Variants in RAB43 observed in about 807,000 individuals in gnomAD.
RAB43 encodes the protein ras-related protein Rab-43.
RAB43 carries 6 observed loss-of-function variants against 18.8 expected under a neutral mutation model. The ratio of observed to expected loss-of-function variants is 0.32; its 90% CI spans 0.17 to 0.63. RAB43 has a LOEUF of 0.63. Among genes scored for constraint, RAB43 ranks in the 30% least tolerant of loss-of-function variants. The pLI is 0.79. For synonymous variants in RAB43, 103 were observed against 124.1 expected, an observed-to-expected ratio of 0.83 and a Z score of 1.13; for missense variants, 195 against 289.1, an observed-to-expected ratio of 0.67 and a Z score of 2.36.
Position 129,121,663 on chromosome 3 carries a change from C to A in RAB43, c.-174G>T. 1 of 450,590 alleles carries A rather than the reference C, an allele frequency of 2.2e-6. No individual in the cohort carries two copies. Among genetic ancestry groups the A allele is most frequent in the South Asian group, 5.7e-5 (1 of 17,490 alleles). The allele number at this position is 450,590 out of a possible 1,614,324, so 27.9% of individuals were successfully genotyped here. ...CCGCCTGCCTCGGCCTCGGCCCCGCCCCACCCCGGCTGGCTCCCGCCCCGG... is the reference window on the plus strand; with the variant it reads ...CCGCCTGCCTCGGCCTCGGCCCCGCACCACCCCGGCTGGCTCCCGCCCCGG... On this transcript the variant is annotated 5_prime_UTR_variant, in exon 1 of 3. Coordinates refer to ENST00000315150, the MANE Select transcript of RAB43 (RefSeq NM_198490.3).
chr3:129,120,466 G>A (rs1935832215), intron 1 of RAB43, among the ~76,000 whole-genome samples: 1 of 152,202 alleles, frequency 6.6e-6, no homozygotes, highest in Non-Finnish European at 1.5e-5. Context: ...AAGTTACTGA[G>A]TGCCTTCAGC....
In RAB43 at chr3:129,092,558, C is replaced by G. The variant is rs1047407986; in HGVS notation, c.389-1212G>C. ...GGAGGATTGCTTGAGGCCAGGAGTT[C>G]AAGATCAGCCTGGGCAACATAGCAG... On this transcript the variant is annotated intron_variant, in intron 2 of 2. Transcript: ENST00000315150. 5 of 691,418 alleles carry G rather than the reference C, an allele frequency of 7.2e-6. No individual in the cohort carries two copies. The African/African-American group carries it at 8.8e-5, about 12-fold the overall frequency. The allele number at this position is 691,418 out of a possible 1,614,324, so 42.8% of individuals were successfully genotyped here.
chr3:129,101,610 C>A (rs1223581774), intron 1 of RAB43, among the ~76,000 whole-genome samples: 1 of 152,192 alleles, frequency 6.6e-6, no homozygotes, highest in Non-Finnish European at 1.5e-5. Flanking sequence ...GGACGGTGTT[C>A]AGGCAGGGGA....
intron 1 of RAB43, among the ~76,000 whole-genome samples, chr3:129,114,370 A>G (rs1338235899): frequency 1.3e-5 from 2 of 152,126 alleles, no homozygotes; most frequent in African/African-American, 4.8e-5. Flanking sequence ...CAATGAGGAG[A>G]AAAGTACCAG....
chr3:129,100,265 A>G (rs1396989474), intron 1 of RAB43, among the ~76,000 whole-genome samples: 1 of 152,258 alleles, frequency 6.6e-6, no homozygotes, highest in Non-Finnish European at 1.5e-5. Flanking sequence ...ATGCTGAAGT[A>G]CTTGTCAAAC....
intron 1 of RAB43, among the ~76,000 whole-genome samples, chr3:129,111,194 TCTTCTAGTAGAG>T (rs1457347879): frequency 5.3e-5 from 8 of 152,062 alleles, no homozygotes; most frequent in Middle Eastern, 3.4e-3. Context: ...TTTCCTGAAC[TCTTCTAGTAGAG>T]CTTCTAGTAG....
intron 1 of RAB43, among the ~76,000 whole-genome samples, chr3:129,113,529 T>C (rs556292190): frequency 6.6e-6 from 1 of 152,228 alleles, no homozygotes; most frequent in African/African-American, 2.4e-5. Flanking sequence ...GATTTCAGAG[T>C]GGTCATTCAC....
At chr3:129,108,599 A>T (rs1934940490) in intron 1 of RAB43, among the ~76,000 whole-genome samples, 1 of 152,198 alleles carries the variant, frequency 6.6e-6, no homozygotes, top group Non-Finnish European at 1.5e-5. Flanking sequence ...CATGCTATGT[A>T]ATTTACATAC....
intron 1 of RAB43, among the ~76,000 whole-genome samples, chr3:129,111,711 A>G (rs1359440292): frequency 6.6e-6 from 1 of 152,132 alleles, no homozygotes; most frequent in Non-Finnish European, 1.5e-5. Flanking sequence ...TTTCAATAAT[A>G]AAACTGATTT....
intron 1 of RAB43, among the ~76,000 whole-genome samples, chr3:129,099,558 G>T (rs1008693822): frequency 1.3e-5 from 2 of 151,782 alleles, no homozygotes; most frequent in African/African-American, 4.8e-5. Context: ...GGCTAATTTT[G>T]TATTTTTGGT....
At chr3:129,100,762 C>G (rs1279173148) in intron 1 of RAB43, among the ~76,000 whole-genome samples, 2 of 152,164 alleles carry the variant, frequency 1.3e-5, no homozygotes, top group African/African-American at 4.8e-5. Context: ...AGCTCATGAC[C>G]TGATGCTCTG....
At chr3:129,115,930 A>G (rs1364344743) in intron 1 of RAB43, among the ~76,000 whole-genome samples, 1 of 152,222 alleles carries the variant, frequency 6.6e-6, no homozygotes, top group Non-Finnish European at 1.5e-5. Context: ...GCTCCGTCCC[A>G]CCTGGGATGT....
intron 2 of RAB43, chr3:129,092,405 A>G: frequency 1.6e-6 from 1 of 620,792 alleles, no homozygotes. Flanking sequence ...TACAGATGAG[A>G]GGAGGTTGGA....
intron 1 of RAB43, among the ~76,000 whole-genome samples, chr3:129,112,218 G>T (rs1935218143): frequency 6.6e-6 from 1 of 150,996 alleles, no homozygotes; most frequent in Non-Finnish European, 1.5e-5. Flanking sequence ...TCATGCCACT[G>T]CACTCCATTC....
chr3:129,100,027 A>C (rs944520048), intron 1 of RAB43, among the ~76,000 whole-genome samples: 1 of 152,194 alleles, frequency 6.6e-6, no homozygotes, highest in African/African-American at 2.4e-5. Context: ...CAAGAAGCTC[A>C]GCAAACCCCA....
At position 129,095,108 on chromosome 3, in the gene RAB43, C is replaced by T. The variant is rs760631241; in HGVS notation, c.266G>A (p.Arg89His). 18 of 1,613,774 alleles carry T rather than the reference C, an allele frequency of 1.1e-5. No individual in the cohort carries two copies. Among genetic ancestry groups the T allele is most frequent in the Non-Finnish European group, 1.4e-5 (16 of 1,179,908 alleles). ...GGCAAGGATGGCCCCATTGGCACTG[C>T]GGTAGTAGCTCTGGGTGATGGTGCG... The part of the protein sequence containing the change: ...RFRTITQSYY[R>H]SANGAILAYD... Residue 89 changes from arginine (R) to histidine (H), a missense_variant, in exon 2 of 3, where the codon CGC becomes CAC. Transcript: ENST00000315150. This position sits in a 1 kb window ranked among gnomAD's most constrained non-coding sequence, Gnocchi z 4.2.
chr3:129,109,303 G>A (rs1383784579), intron 1 of RAB43, among the ~76,000 whole-genome samples: 3 of 151,922 alleles, frequency 2.0e-5, no homozygotes, highest in African/African-American at 7.3e-5. Context: ...CCAGCTACTC[G>A]GGAGGCTGAG....
intron 1 of RAB43, among the ~76,000 whole-genome samples, chr3:129,119,257 A>G (rs913331201): frequency 1.3e-5 from 2 of 152,190 alleles, no homozygotes; most frequent in Non-Finnish European, 2.9e-5. Context: ...GACTCGAAGG[A>G]CAGTGTTCCC....
At position 129,095,525 on chromosome 3, in the gene RAB43, C is replaced by G. The variant is rs1460027131; in HGVS notation, c.205-356G>C. Among the ~76,000 whole-genome samples the G allele has an allele frequency of 6.6e-6, 1 of 152,234 alleles. No individual in the cohort carries two copies. Among genetic ancestry groups the G allele is most frequent in the Non-Finnish European group, 1.5e-5 (1 of 68,044 alleles). ...GCTCAAGCGGCCGGCGGCTGGAAAG[C>G]TGGCTCCAGGTGCACTGCACGGCCA... On this transcript the variant is annotated intron_variant, in intron 1 of 2. Coordinates refer to ENST00000315150, the MANE Select transcript of RAB43 (RefSeq NM_198490.3). The surrounding 1 kb of genome is among the most constrained non-coding windows in gnomAD (Gnocchi z 4.2).
Sources: allele counts gnomAD v4.1 joint callset (sites outside exome capture counted in the v4.1 genomes callset), GRCh38; gene constraint gnomAD v4.1.1; non-coding constraint Gnocchi (gnomAD v3.1); transcripts MANE v1.5; gene names NCBI Gene and HGNC (gene_info 2026-07-23, HGNC 2026-07-21).